The following MAVS variants were observed in gnomAD, a reference collection of about 807,000 sequenced individuals.
MAVS encodes mitochondrial antiviral-signaling protein.
Under a neutral mutation model 30.2 loss-of-function variants are expected in MAVS, and 20 were observed. The observed-to-expected ratio is 0.66, with a 90% CI of 0.47 to 0.96. MAVS has a LOEUF of 0.96. Ranked by LOEUF, MAVS falls within the 40% of genes least tolerant of loss-of-function variation. The pLI, the probability that MAVS is intolerant of heterozygous loss-of-function variation, is 0.00. For synonymous variants in MAVS, 278 were observed against 293.9 expected (o/e 0.95, Z 0.55); for missense variants, 624 against 701.1 (o/e 0.89, Z 1.24).
chr20:3,873,596 A>T lies in MAVS; in HGVS notation c.*7449A>T, dbSNP rs1460562576. 1 of 152,066 alleles carries T rather than the reference A, an allele frequency of 6.6e-6. No individual in the cohort carries two copies. The highest frequency in any genetic ancestry group is 2.4e-5 in the African/African-American group (1 of 41,338). The allele number at this position is 152,066 out of a possible 1,614,324, so 9.4% of individuals were successfully genotyped here. A position where few individuals can be genotyped will look rare whatever the true frequency, so the allele number is the denominator to read the frequency against. ...TTAGGTCATGAGGGTGGAGATCATG[A>T]ATGGGGTTAGCACCTTATAAAACAG... On this transcript the variant is annotated 3_prime_UTR_variant, in exon 7 of 7. Transcript: ENST00000428216.
Position 3,866,042 on chromosome 20 carries a change from GC to G in MAVS, c.1520del (p.Pro507HisfsTer16). On this transcript the variant is annotated frameshift_variant, in exon 7 of 7. Transcript: ENST00000428216. LOFTEE classifies it low-confidence loss of function (END_TRUNC). ...ACCGGAAGTTCCAGGAGAGGGAGGT[GC>G]CATGCCACAGGCCCTCACCTGGGGC... The part of the protein sequence containing the change: ...ADRKFQEREV[P>X]CHRPSPGALW... 6.2e-7 allele frequency: 1 copy of G among 1,612,590 alleles called. No individual in the cohort carries two copies. Among genetic ancestry groups the G allele is most frequent in the African/African-American group, 1.3e-5 (1 of 75,056 alleles).
chr20:3,851,814 G>C (rs2089762371), intron 1 of MAVS, among the ~76,000 whole-genome samples: 1 of 151,950 alleles, frequency 6.6e-6, no homozygotes, highest in South Asian at 2.1e-4. Flanking sequence ...AATTAACCAG[G>C]TGTGGTGGTG....
chr20:3,869,939 C>CAT lies in MAVS; in HGVS notation c.*3792_*3793insAT, dbSNP rs2089941434. 6.6e-6 allele frequency: 1 copy of CAT among 152,276 alleles called. No individual in the cohort carries two copies. The highest frequency in any genetic ancestry group is 2.4e-5 in the African/African-American group (1 of 41,438). 9.4% of individuals were successfully genotyped at this position (152,276 alleles called of 1,614,324 possible). The stretch of plus-strand genomic sequence containing the variant: ...CTTTTCAAATGATGCCGCTCAAAGC[C>CAT]GTGACTTGGCCTACTTTGAACAGCA... On this transcript the variant is annotated 3_prime_UTR_variant, in exon 7 of 7. Transcript: ENST00000428216.
intron 1 of MAVS, among the ~76,000 whole-genome samples, 198 bp downstream of exon 1, chr20:3,847,101 T>A (rs1178674618): frequency 6.6e-6 from 1 of 152,038 alleles, no homozygotes; most frequent in Non-Finnish European, 1.5e-5. Context: ...CACTGAGGGC[T>A]CCAGGCGCCG....
At position 3,865,911 on chromosome 20, in the gene MAVS, G is replaced by A. The variant is rs756385104; in HGVS notation, c.1387G>A (p.Glu463Lys). The A allele has an allele frequency of 5.6e-6, 9 of 1,613,824 alleles. No individual in the cohort carries two copies. Among genetic ancestry groups the A allele is most frequent in the African/African-American group, 2.7e-5 (2 of 74,932 alleles). The stretch of plus-strand genomic sequence containing the variant: ...CCCAGAGGAGAATGAGTATAAGTCC[G>A]AGGGCACCTTTGGGATCCACGTGGC... The part of the protein sequence containing the change: ...HGPEENEYKS[E>K]GTFGIHVAEN... Residue 463 changes from glutamate (E) to lysine (K), a missense_variant, in exon 7 of 7, where the codon GAG becomes AAG. Physicochemically the swap from Glu to Lys is moderately conservative, Grantham distance 56 (BLOSUM62 1). Coordinates refer to ENST00000428216, the MANE Select transcript of MAVS (RefSeq NM_020746.5). The surrounding 1 kb of genome is among the most constrained non-coding windows in gnomAD (Gnocchi z 4.7).
At chr20:3,854,866 C>A in intron 2 of MAVS, 125 bp downstream of exon 2, 2 of 553,740 alleles carry the variant, frequency 3.6e-6, no homozygotes, top group Non-Finnish European at 6.3e-6. Flanking sequence ...CTTGCTGTGT[C>A]TTGCTCCTTG....
rs185989104 is a variant in MAVS at position 3,860,442 on chromosome 20, T to G, written c.293-890T>G. On this transcript the variant is annotated intron_variant, in intron 3 of 6. Transcript: ENST00000428216. ...CAGGCTGGAGTGCAATGGTGCAATC[T>G]CAGGTCATGGCAACCTTCACTTCCC... Among the ~76,000 whole-genome samples, 190 of 150,130 alleles carry G rather than the reference T, an allele frequency of 1.3e-3. 1 individual carries two copies. The South Asian group carries it at 0.019, about 15-fold the overall frequency.
At chr20:3,858,509 C>G (rs1480700655) in intron 3 of MAVS, among the ~76,000 whole-genome samples, 1 of 151,912 alleles carries the variant, frequency 6.6e-6, no homozygotes, top group South Asian at 2.1e-4. Flanking sequence ...GAAACCCCGT[C>G]TCTACTAAAA....
At chr20:3,850,274 CAAAAA>C (rs71195864) in intron 1 of MAVS, among the ~76,000 whole-genome samples, 2 of 44,460 alleles carry the variant, frequency 4.5e-5, no homozygotes, top group African/African-American at 1.8e-4. Context: ...GAGACTGTCT[CAAAAA>C]AAAAAAAAAA....
rs1195148005 is a variant in MAVS, at chr20:3,872,251, G to A, written c.*6104G>A. On this transcript the variant is annotated 3_prime_UTR_variant, in exon 7 of 7. Coordinates refer to ENST00000428216, the MANE Select transcript of MAVS (RefSeq NM_020746.5). ...GGCCAGGAGTTCAAAACCAGTGTAGGTAACAGCTAGACCCTATCTCTACAA... is the reference window on the plus strand; with the variant it reads ...GGCCAGGAGTTCAAAACCAGTGTAGATAACAGCTAGACCCTATCTCTACAA... The A allele has an allele frequency of 3.9e-5, 6 of 152,348 alleles. No individual in the cohort carries two copies. The South Asian group carries it at 6.2e-4, about 16-fold the overall frequency. The allele number at this position is 152,348 out of a possible 1,614,324, so 9.4% of individuals were successfully genotyped here.
chr20:3,850,672 T>G (rs1382912127), intron 1 of MAVS, among the ~76,000 whole-genome samples: 2 of 145,488 alleles, frequency 1.4e-5, no homozygotes, highest in Non-Finnish European at 3.0e-5. Flanking sequence ...GGATCACGAG[T>G]TCAGGAGATT....
intron 1 of MAVS, among the ~76,000 whole-genome samples, chr20:3,854,078 G>A (rs955001499): frequency 4.0e-5 from 6 of 150,824 alleles, no homozygotes; most frequent in Non-Finnish European, 5.9e-5. Context: ...GATTATAGGC[G>A]TGAACCACTG....
chr20:3,854,994 G>T (rs541790504), intron 2 of MAVS, among the ~76,000 whole-genome samples: 17 of 149,934 alleles, frequency 1.1e-4, no homozygotes, highest in African/African-American at 4.2e-4. Context: ...GGGTTCAAGT[G>T]ATTCTCCTGC....
Position 3,854,555 on chromosome 20 carries a change from C to A in MAVS, c.-67-3C>A. 1.9e-6 allele frequency: 2 copies of A among 1,053,080 alleles called. No homozygotes were observed. Among genetic ancestry groups the A allele is most frequent in the South Asian group, 1.4e-5 (1 of 70,002 alleles). The allele number at this position is 1,053,080 out of a possible 1,614,324, so 65.2% of individuals were successfully genotyped here. A position where few individuals can be genotyped will look rare whatever the true frequency, so the allele number is the denominator to read the frequency against. On this transcript the variant is annotated splice_region_variant and splice_polypyrimidine_tract_variant and intron_variant, in intron 1 of 6. Coordinates refer to ENST00000428216, the MANE Select transcript of MAVS (RefSeq NM_020746.5). Reference sequence around the variant, plus strand: ...TTGTAATGTGTGATCTGTTTTCTTCCAGTCTCGTTTCCTCTCAGTCCATCC... The same window carrying A: ...TTGTAATGTGTGATCTGTTTTCTTCAAGTCTCGTTTCCTCTCAGTCCATCC...
chr20:3,853,192 A>G (rs2089776789), intron 1 of MAVS, among the ~76,000 whole-genome samples: 1 of 146,280 alleles, frequency 6.8e-6, no homozygotes, highest in South Asian at 2.3e-4. Context: ...TGTTTACAGA[A>G]ATTAAAGATG....
Position 3,857,787 on chromosome 20 carries a change from T to C in MAVS, c.270T>C (p.Ser90=). Residue 90 remains serine (S), a synonymous_variant, in exon 3 of 7, where the codon TCT becomes TCC. Transcript: ENST00000428216. ...TTGATCTCGCGGACGAAGTGGCCTC[T>C]GTCTACCAGAGCTACCAGCCTCGTG... ...ELVDLADEVA[S]VYQSYQPRTS... 2 of 1,614,236 alleles carry C rather than the reference T, an allele frequency of 1.2e-6. No individual in the cohort carries two copies. Among genetic ancestry groups the C allele is most frequent in the Non-Finnish European group, 1.7e-6 (2 of 1,180,042 alleles).
At chr20:3,863,385 T>TA (rs2089880982) in intron 5 of MAVS, among the ~76,000 whole-genome samples, 1 of 152,110 alleles carries the variant, frequency 6.6e-6, no homozygotes. Context: ...CATGAGCAGT[T>TA]AGAGGCTGGG....
rs2089966645 is a variant in MAVS, at chr20:3,873,001, C to T, written c.*6854C>T. On this transcript the variant is annotated 3_prime_UTR_variant, in exon 7 of 7. Coordinates refer to ENST00000428216, the MANE Select transcript of MAVS (RefSeq NM_020746.5). ...GCAGGCATTAGGGGTGGCAAAGGGACAAGTGTTTATCTGATCAGTTATGTA... is the reference window on the plus strand; with the variant it reads ...GCAGGCATTAGGGGTGGCAAAGGGATAAGTGTTTATCTGATCAGTTATGTA... The T allele has an allele frequency of 6.6e-6, 1 of 152,184 alleles. No homozygotes were observed. The highest frequency in any genetic ancestry group is 1.5e-5 in the Non-Finnish European group (1 of 68,046). 9.4% of individuals were successfully genotyped at this position (152,184 alleles called of 1,614,324 possible). A position where few individuals can be genotyped will look rare whatever the true frequency, so the allele number is the denominator to read the frequency against.
chr20:3,849,739 T>C (rs1417037008), intron 1 of MAVS, among the ~76,000 whole-genome samples: 1 of 152,214 alleles, frequency 6.6e-6, no homozygotes, highest in African/African-American at 2.4e-5. Context: ...TTACCTGCTT[T>C]ACTTTCTTTA....
Sources: gnomAD v4.1 joint callset for allele counts (sites outside exome capture counted in the v4.1 genomes callset) on GRCh38, gnomAD v4.1.1 for gene constraint, Gnocchi (gnomAD v3.1) non-coding constraint, MANE v1.5 for transcripts, NCBI Gene and HGNC (gene_info 2026-07-23, HGNC 2026-07-21) for gene names.